Variants in MCM10 observed in about 807,000 individuals in gnomAD.
MCM10 encodes the protein protein MCM10 homolog.
In MCM10, 91 loss-of-function variants were observed where a neutral mutation model predicts 109.9. The observed-to-expected ratio is 0.83, with a 90% CI of 0.70 to 0.99. The LOEUF is 0.99. Ranked by LOEUF, MCM10 falls within the 50% of genes least tolerant of loss-of-function variation. The pLI is 0.00. For synonymous variants in MCM10, 380 were observed against 387.2 expected (o/e 0.98, Z 0.22); for missense variants, 1,077 against 1,061.2 (o/e 1.01, Z -0.21).
At position 13,211,008 on chromosome 10, in the gene MCM10, T is replaced by C. The variant is rs1290171810; in HGVS notation, c.*1698T>C. On this transcript the variant is annotated 3_prime_UTR_variant, in exon 20 of 20. Transcript: ENST00000378714. ...CAGTATTCACGTGTATATTGTTATATAAGTTGTATAATATGCTTGTAAAGG... is the reference window on the plus strand; with the variant it reads ...CAGTATTCACGTGTATATTGTTATACAAGTTGTATAATATGCTTGTAAAGG... 1 of 152,204 alleles carries C rather than the reference T, an allele frequency of 6.6e-6. No individual in the cohort carries two copies. The highest frequency in any genetic ancestry group is 2.4e-5 in the African/African-American group (1 of 41,460). 9.4% of individuals were successfully genotyped at this position (152,204 alleles called of 1,614,324 possible). A position where few individuals can be genotyped will look rare whatever the true frequency, so the allele number is the denominator to read the frequency against.
chr10:13,203,329 T>C (rs1488158430), intron 17 of MCM10, among the ~76,000 whole-genome samples: 2 of 152,176 alleles, frequency 1.3e-5, no homozygotes, highest in African/African-American at 2.4e-5. Context: ...CGGCAGCAGG[T>C]TGAGCTCTCA....
Position 13,204,555 on chromosome 10 carries a change from C to T in MCM10, c.2498+191C>T, listed in dbSNP as rs1357082152. ...GGGACCCTGCCCTTTCACTGCTGTC[C>T]CCAACACCTAATATAGTGCCTGGCC... On this transcript the variant is annotated intron_variant, in intron 18 of 19. Coordinates refer to ENST00000378714, the MANE Select transcript of MCM10 (RefSeq NM_018518.5). 6.5e-6 allele frequency: 4 copies of T among 616,088 alleles called. No individual in the cohort carries two copies. In the African/African-American group the frequency reaches 7.4e-5, roughly 11 times the overall value. 38.2% of individuals were successfully genotyped at this position (616,088 alleles called of 1,614,324 possible). A position where few individuals can be genotyped will look rare whatever the true frequency, so the allele number is the denominator to read the frequency against.
chr10:13,205,389 C>T (rs1834566556), intron 18 of MCM10, among the ~76,000 whole-genome samples: 1 of 152,066 alleles, frequency 6.6e-6, no homozygotes, highest in African/African-American at 2.4e-5. Context: ...GAGCAGTATT[C>T]CATTGTGTTT....
At chr10:13,163,515 G>A (rs1430267007) in intron 1 of MCM10, among the ~76,000 whole-genome samples, 2 of 152,186 alleles carry the variant, frequency 1.3e-5, no homozygotes, top group Admixed American at 6.5e-5. Context: ...GTCTTAATTA[G>A]CTACGCTGTT....
At chr10:13,170,842 G>A in intron 2 of MCM10, 80 bp from the exon 3 acceptor site, 2 of 1,262,276 alleles carry the variant, frequency 1.6e-6, no homozygotes, top group Non-Finnish European at 2.2e-6. Context: ...TTACCCCCAT[G>A]GGGTCATTTA....
intron 11 of MCM10, among the ~76,000 whole-genome samples, 164 bp downstream of exon 11, chr10:13,191,563 TAAGCAAGCAAGCAAGC>T (rs35273956): frequency 4.6e-5 from 7 of 151,358 alleles, no homozygotes; most frequent in Non-Finnish European, 5.9e-5. Context: ...AATAAATAAA[TAAGCAAGCAAGCAAGC>T]AAGCAAGCAA....
chr10:13,175,406 G>T (rs1834127663), intron 5 of MCM10, 104 bp from the exon 6 acceptor site: 1 of 888,516 alleles, frequency 1.1e-6, no homozygotes, highest in Non-Finnish European at 1.8e-6. Context: ...GGGTGACACA[G>T]TGAGTCCCTA....
intron 18 of MCM10, 58 bp from the exon 19 acceptor site, chr10:13,209,031 CGT>C: frequency 1.6e-6 from 2 of 1,216,784 alleles, no homozygotes; most frequent in Non-Finnish European, 2.4e-6. Context: ...TGAGCACCGT[CGT>C]CTTTACATGA....
chr10:13,186,159 T>C lies in MCM10; in HGVS notation c.1099-5T>C, dbSNP rs767072052. On this transcript the variant is annotated splice_region_variant and splice_polypyrimidine_tract_variant and intron_variant, in intron 8 of 19. Coordinates refer to ENST00000378714, the MANE Select transcript of MCM10 (RefSeq NM_018518.5). ...CTTTAACTCCTGCCCCACCTTTTCT[T>C]ACAGGTGTGTTTATCTATCGATCAT... is the stretch of plus-strand genomic sequence containing the variant. 6.4e-7 allele frequency: 1 copy of C among 1,557,488 alleles called. No homozygotes were observed. The highest frequency in any genetic ancestry group is 8.8e-7 in the Non-Finnish European group (1 of 1,130,858).
chr10:13,161,869 G>A (rs1833931301), intron 1 of MCM10, among the ~76,000 whole-genome samples: 1 of 151,254 alleles, frequency 6.6e-6, no homozygotes, highest in African/African-American at 2.4e-5. Flanking sequence ...CTTGCCAAGT[G>A]CCTGCCGCCT....
chr10:13,171,453 A>C (rs964289877), intron 3 of MCM10, among the ~76,000 whole-genome samples, 190 bp downstream of exon 3: 1 of 152,232 alleles, frequency 6.6e-6, no homozygotes, highest in Non-Finnish European at 1.5e-5. Context: ...AGCACAAACT[A>C]TAGACTCTAT....
chr10:13,202,282 A>G (rs1834510570), intron 17 of MCM10, among the ~76,000 whole-genome samples: 1 of 152,212 alleles, frequency 6.6e-6, no homozygotes, highest in African/African-American at 2.4e-5. Flanking sequence ...ACTTGAGCCC[A>G]GGAATCCAAA....
intron 7 of MCM10, among the ~76,000 whole-genome samples, chr10:13,181,020 C>A (rs115036722): frequency 7.5e-4 from 114 of 152,292 alleles, no homozygotes; most frequent in African/African-American, 2.6e-3. Context: ...TGGCCTGTGT[C>A]AGTGCCGTGT....
intron 6 of MCM10, among the ~76,000 whole-genome samples, chr10:13,177,849 C>CAAA (rs5783313): frequency 2.8e-5 from 4 of 144,548 alleles, no homozygotes; most frequent in South Asian, 4.4e-4. Flanking sequence ...GACCCTATCT[C>CAAA]AAAAAAAAAA....
chr10:13,203,301 C>T (rs1011992026), intron 17 of MCM10, among the ~76,000 whole-genome samples: 27 of 152,286 alleles, frequency 1.8e-4, no homozygotes, highest in Admixed American at 1.6e-3. Context: ...CCTGCCCTCA[C>T]TTCCTCCATG....
At chr10:13,193,821 T>C (rs906323350) in intron 13 of MCM10, among the ~76,000 whole-genome samples, 4 of 152,168 alleles carry the variant, frequency 2.6e-5, no homozygotes, top group African/African-American at 2.4e-5. Context: ...CATTGCGTAA[T>C]GAAAATTTTC....
At chr10:13,168,538 GAT>G (rs67059646) in intron 2 of MCM10, among the ~76,000 whole-genome samples, 67,070 of 151,802 alleles carry the variant, frequency 0.44, 16,463 homozygotes, top group Non-Finnish European at 0.55. Context: ...GAGTAGGTCA[GAT>G]ATCCTTAATA....
intron 10 of MCM10, among the ~76,000 whole-genome samples, chr10:13,190,718 T>TA (rs1834336303): frequency 2.6e-5 from 4 of 152,070 alleles, no homozygotes; most frequent in Non-Finnish European, 5.9e-5. Context: ...AGTTCCTTGG[T>TA]ATATATACTC....
intron 1 of MCM10, among the ~76,000 whole-genome samples, chr10:13,161,959 G>T (rs1234427362): frequency 6.6e-5 from 10 of 152,148 alleles, no homozygotes; most frequent in Non-Finnish European, 1.5e-4. Context: ...TATTGAATGC[G>T]GACGGTGTGC....
Sources: gnomAD v4.1 joint callset for allele counts (sites outside exome capture counted in the v4.1 genomes callset) on GRCh38, gnomAD v4.1.1 for gene constraint, MANE v1.5 for transcripts, NCBI Gene and HGNC (gene_info 2026-07-23, HGNC 2026-07-21) for gene names.